ADAMTSL1: variants seen among roughly 807,000 people sequenced by gnomAD.
The protein encoded by ADAMTSL1 is ADAMTS-like protein 1.
Under a neutral mutation model 201.8 loss-of-function variants are expected in ADAMTSL1, and 126 were observed. The ratio of observed to expected loss-of-function variants is 0.62; its 90% CI spans 0.54 to 0.72. The LOEUF is 0.72. Among genes scored for constraint, ADAMTSL1 ranks in the 30% least tolerant of loss-of-function variants. The probability of loss-of-function intolerance (pLI) is 0.00; values close to 1 mark genes in which losing one functional copy is unlikely to be tolerated. For missense variants in ADAMTSL1, 2,679 were observed against 2,277.8 expected (o/e 1.18, Z -3.59); for synonymous variants, 1,121 against 903.4 (o/e 1.24, Z -4.32).
At position 18,777,018 on chromosome 9, in the gene ADAMTSL1, G is replaced by A; in HGVS notation, c.2789G>A (p.Gly930Asp). Residue 930 changes from glycine (G) to aspartate (D), a missense_variant, in exon 19 of 29, where the codon GGC becomes GAC. Gly to Asp is a moderately conservative substitution (Grantham distance 94). Transcript: ENST00000380548. ...ACGCACGTCACGGTGGCCCCCTTCGGCTATCTCAAGATCCACCGCCTCAAG... is the reference window on the plus strand; with the variant it reads ...ACGCACGTCACGGTGGCCCCCTTCGACTATCTCAAGATCCACCGCCTCAAG... Reference protein sequence around the residue: ...SSTHVTVAPFGYLKIHRLKPS... With the variant: ...SSTHVTVAPFDYLKIHRLKPS... 6.2e-7 allele frequency: 1 copy of A among 1,607,006 alleles called. No homozygotes were observed. The highest frequency in any genetic ancestry group is 8.5e-7 in the Non-Finnish European group (1 of 1,175,472).
At chr9:18,908,121 T>C (rs1830417659) in intron 28 of ADAMTSL1, 8 of 363,586 alleles carry the variant, frequency 2.2e-5, no homozygotes, top group South Asian at 1.9e-4. Flanking sequence ...ACCTAGGAGA[T>C]GAGGTAATCC....
chr9:18,243,995 T>TA (rs1831164663), intron 2 of ADAMTSL1, among the ~76,000 whole-genome samples: 1 of 152,098 alleles, frequency 6.6e-6, no homozygotes, highest in South Asian at 2.1e-4. Flanking sequence ...CAACCTCTGA[T>TA]ATGATTTTGC....
At chr9:18,081,266 T>C (rs544926537) in intron 1 of ADAMTSL1, among the ~76,000 whole-genome samples, 46 of 152,356 alleles carry the variant, frequency 3.0e-4, no homozygotes, top group African/African-American at 1.1e-3. Context: ...GTCTAGTGTG[T>C]ATGCTATGTA....
At chr9:18,395,985 A>G (rs1453751760) in intron 2 of ADAMTSL1, among the ~76,000 whole-genome samples, 1 of 152,116 alleles carries the variant, frequency 6.6e-6, no homozygotes, top group Non-Finnish European at 1.5e-5. Flanking sequence ...CTTTCTGTGG[A>G]AGGAAACCTT....
At chr9:18,066,391 G>A (rs968305501) in intron 1 of ADAMTSL1, among the ~76,000 whole-genome samples, 1 of 152,024 alleles carries the variant, frequency 6.6e-6, no homozygotes. Context: ...AGGAGGTAGG[G>A]TTATTTATAT....
At chr9:18,183,282 A>C (rs1308231679) in intron 2 of ADAMTSL1, among the ~76,000 whole-genome samples, 1 of 152,236 alleles carries the variant, frequency 6.6e-6, no homozygotes, top group African/African-American at 2.4e-5. Flanking sequence ...AATTCTTAGA[A>C]GATAACATGG....
intron 1 of ADAMTSL1, among the ~76,000 whole-genome samples, chr9:17,997,031 T>A (rs1819409702): frequency 6.6e-6 from 1 of 152,180 alleles, no homozygotes; most frequent in African/African-American, 2.4e-5. Context: ...AGTGGGCATT[T>A]TGCCCAAAAA....
intron 2 of ADAMTSL1, among the ~76,000 whole-genome samples, chr9:18,370,441 A>AC (rs1001528547): frequency 4.6e-4 from 69 of 151,034 alleles, no homozygotes; most frequent in Admixed American, 1.7e-3. Context: ...CTGCATATGT[A>AC]CCCCCCCCGA....
chr9:18,338,348 T>C lies in ADAMTSL1; in HGVS notation c.208-166481T>C, dbSNP rs1444177476. ...CCTTTCCTACCTCAGTGGGCTTCCT[T>C]CCTATTAGTGTCTGGTTTTCTATTT... On this transcript the variant is annotated intron_variant, in intron 2 of 29. Transcript: ENST00000680146. Among the ~76,000 whole-genome samples, 7 of 152,190 alleles carry C rather than the reference T, an allele frequency of 4.6e-5. No homozygotes were observed. In the East Asian group the frequency reaches 1.2e-3, roughly 25 times the overall value.
Position 18,910,556 on chromosome 9 carries a change from A to AT in ADAMTSL1, c.*2010dup, listed in dbSNP as rs1184694789. On this transcript the variant is annotated 3_prime_UTR_variant, in exon 29 of 29. Coordinates refer to ENST00000380548, the MANE Select transcript of ADAMTSL1 (RefSeq NM_001040272.6). ...TGGGATGCTGAGGCAGTAAGAGGGA[A>AT]TTCATTTGTGGCATAATAGTTATGC... is the stretch of plus-strand genomic sequence containing the variant. The AT allele has an allele frequency of 6.6e-6, 1 of 152,242 alleles. No individual in the cohort carries two copies. The highest frequency in any genetic ancestry group is 1.5e-5 in the Non-Finnish European group (1 of 68,044). The allele number at this position is 152,242 out of a possible 1,614,324, so 9.4% of individuals were successfully genotyped here.
intron 2 of ADAMTSL1, among the ~76,000 whole-genome samples, chr9:18,402,055 C>A (rs1487820251): frequency 2.6e-5 from 4 of 152,216 alleles, no homozygotes; most frequent in Non-Finnish European, 4.4e-5. Context: ...TCTTCCCACT[C>A]TTCTCATTCC....
At chr9:18,369,146 G>T (rs920729852) in intron 2 of ADAMTSL1, among the ~76,000 whole-genome samples, 1 of 152,168 alleles carries the variant, frequency 6.6e-6, no homozygotes, top group African/African-American at 2.4e-5. Context: ...TTTTAAAAGA[G>T]ATTTCATGTT....
Position 18,905,863 on chromosome 9 carries a change from C to T in ADAMTSL1, c.4933C>T (p.Pro1645Ser). 2 of 1,613,154 alleles carry T rather than the reference C, an allele frequency of 1.2e-6. No individual in the cohort carries two copies. The highest frequency in any genetic ancestry group is 1.7e-6 in the Non-Finnish European group (2 of 1,179,554). ...CCAGACACGGGATGGCATCACCTTACCATCAGAGCAGTGCAGTGCTCTTCC... is the reference window on the plus strand; with the variant it reads ...CCAGACACGGGATGGCATCACCTTATCATCAGAGCAGTGCAGTGCTCTTCC... ...FCQTRDGITL[P>S]SEQCSALPRP... Residue 1645 changes from proline to serine, a missense_variant, in exon 27 of 29, where the codon CCA (proline) becomes TCA (serine). Transcript: ENST00000380548.
At chr9:18,262,934 G>A (rs1043847396) in intron 2 of ADAMTSL1, among the ~76,000 whole-genome samples, 1 of 152,196 alleles carries the variant, frequency 6.6e-6, no homozygotes, top group African/African-American at 2.4e-5. Flanking sequence ...TGAAATATAA[G>A]TAACATAAAC....
chr9:17,983,252 G>T (rs958954526), intron 1 of ADAMTSL1, among the ~76,000 whole-genome samples: 1 of 151,488 alleles, frequency 6.6e-6, no homozygotes, highest in Non-Finnish European at 1.5e-5. Context: ...TGTATTTTTA[G>T]TAGGGATGGG....
intron 21 of ADAMTSL1, among the ~76,000 whole-genome samples, chr9:18,824,833 G>A (rs1824437080): frequency 6.6e-6 from 1 of 151,620 alleles, no homozygotes; most frequent in African/African-American, 2.4e-5. Context: ...GAGTAGCTGG[G>A]ATTACAGGTG....
intron 2 of ADAMTSL1, among the ~76,000 whole-genome samples, chr9:18,438,428 G>A (rs946545430): frequency 6.6e-6 from 1 of 152,068 alleles, no homozygotes; most frequent in Non-Finnish European, 1.5e-5. Context: ...CCACCCCCAC[G>A]GACAGCTGAA....
intron 23 of ADAMTSL1, among the ~76,000 whole-genome samples, chr9:18,830,388 T>C (rs762647019): frequency 7.9e-5 from 12 of 152,164 alleles, no homozygotes; most frequent in Non-Finnish European, 1.5e-4. Context: ...ATAATCAACT[T>C]TCGAGGAGAA....
At chr9:18,533,345 G>A (rs376635860) in intron 3 of ADAMTSL1, 53 bp downstream of exon 3, 2 of 1,493,748 alleles carry the variant, frequency 1.3e-6, no homozygotes, top group Non-Finnish European at 1.8e-6. Flanking sequence ...GCACTGAATG[G>A]TGCTAAGCAG....
Sources: gnomAD v4.1 joint callset for allele counts (sites outside exome capture counted in the v4.1 genomes callset) on GRCh38, gnomAD v4.1.1 for gene constraint, MANE v1.5 for transcripts, NCBI Gene and HGNC (gene_info 2026-07-23, HGNC 2026-07-21) for gene names.